GIPC2: variants seen among roughly 807,000 people sequenced by gnomAD.
The protein encoded by GIPC2 is GIPC PDZ domain containing family member 2, also known as PDZ domain-containing protein GIPC2.
Under a neutral mutation model 30.6 loss-of-function variants are expected in GIPC2, and 30 were observed. The observed-to-expected ratio is 0.98, with a 90% CI of 0.73 to 1.33. GIPC2 has a LOEUF of 1.33. Ranked by LOEUF, GIPC2 falls within the 40% of genes most tolerant of loss-of-function variation. The pLI, the probability that GIPC2 is intolerant of heterozygous loss-of-function variation, is 0.00. For synonymous variants in GIPC2, 167 were observed against 150.0 expected (o/e 1.11, Z -0.83); for missense variants, 414 against 390.3 (o/e 1.06, Z -0.51).
At chr1:78,114,086 C>T (rs1662523249) in intron 3 of GIPC2, among the ~76,000 whole-genome samples, 2 of 152,150 alleles carry the variant, frequency 1.3e-5, no homozygotes, top group African/African-American at 4.8e-5. Flanking sequence ...ACTGTGGGAG[C>T]GGTTAGGCAC....
chr1:78,102,696 G>A (rs548697597), intron 3 of GIPC2, among the ~76,000 whole-genome samples: 4 of 152,344 alleles, frequency 2.6e-5, no homozygotes, highest in African/African-American at 9.6e-5. Context: ...ACATTGAGCT[G>A]TTGTGAGGAT....
At chr1:78,080,338 C>T (rs1489407198) in intron 1 of GIPC2, among the ~76,000 whole-genome samples, 2 of 152,132 alleles carry the variant, frequency 1.3e-5, no homozygotes, top group Admixed American at 6.6e-5. Context: ...TGACCTTAGG[C>T]AAATTACTTA....
In GIPC2 at chr1:78,080,791, T is replaced by A. The variant is rs372808259; in HGVS notation, c.357T>A (p.Asn119Lys). The stretch of plus-strand genomic sequence containing the variant: ...TGAAAGGAATCGAAAAAGAAGTGAA[T>A]GTGTATAAATCTGAGGATTCACTTG... ...AHVKGIEKEV[N>K]VYKSEDSLGL... Residue 119 changes from asparagine to lysine, a missense_variant, in exon 2 of 6, where the codon AAT (asparagine) becomes AAA (lysine). Asn to Lys is a moderately conservative substitution (Grantham distance 94, BLOSUM62 0). Transcript: ENST00000370759. 6.2e-7 allele frequency: 1 copy of A among 1,610,176 alleles called. No homozygotes were observed.
chr1:78,109,706 A>G (rs1007223518), intron 3 of GIPC2, among the ~76,000 whole-genome samples: 3 of 152,212 alleles, frequency 2.0e-5, no homozygotes, highest in Non-Finnish European at 4.4e-5. Context: ...TACCTTGACT[A>G]TCCCTAGATG....
intron 2 of GIPC2, among the ~76,000 whole-genome samples, chr1:78,087,574 A>G (rs539746918): frequency 6.6e-6 from 1 of 152,330 alleles, no homozygotes; most frequent in South Asian, 2.1e-4. Flanking sequence ...TATGCAGAAG[A>G]CTGAAGCTGG....
intron 2 of GIPC2, among the ~76,000 whole-genome samples, chr1:78,089,617 G>A (rs568497): frequency 0.91 from 139,269 of 152,218 alleles, 63,872 homozygotes; most frequent in African/African-American, 0.95. Flanking sequence ...AAATGCTGGG[G>A]TTACAGGGAT....
chr1:78,130,195 C>T (rs762110599), intron 5 of GIPC2, among the ~76,000 whole-genome samples: 12 of 151,516 alleles, frequency 7.9e-5, no homozygotes, highest in East Asian at 2.0e-4. Context: ...CCCCGCCTCC[C>T]GGGTTCAAGC....
intron 2 of GIPC2, among the ~76,000 whole-genome samples, chr1:78,085,897 G>GTTTTTTTTTTTTT (rs35412467): frequency 5.8e-5 from 7 of 120,308 alleles, no homozygotes; most frequent in Admixed American, 8.8e-5. Flanking sequence ...TCTTTTGAAT[G>GTTTTTTTTTTTTT]TTTTTTTTTT....
chr1:78,121,204 T>C (rs1180619170), intron 4 of GIPC2, among the ~76,000 whole-genome samples: 1 of 152,010 alleles, frequency 6.6e-6, no homozygotes, highest in East Asian at 1.9e-4. Flanking sequence ...GGGGTGGCGA[T>C]GGTAAGGATT....
chr1:78,109,636 G>C (rs998457805), intron 3 of GIPC2, among the ~76,000 whole-genome samples: 1 of 152,076 alleles, frequency 6.6e-6, no homozygotes, highest in Admixed American at 6.6e-5. Flanking sequence ...GCTGTTACCT[G>C]GGATATAGTC....
At chr1:78,094,796 G>GT (rs139132542) in intron 2 of GIPC2, 156 bp from the exon 3 acceptor site, 439 of 533,092 alleles carry the variant, frequency 8.2e-4, no homozygotes, top group South Asian at 1.7e-3. Flanking sequence ...CTGTTACACA[G>GT]TTTTTTTTTA....
At chr1:78,124,826 T>C (rs1405105315) in intron 4 of GIPC2, among the ~76,000 whole-genome samples, 1 of 152,036 alleles carries the variant, frequency 6.6e-6, no homozygotes, top group Admixed American at 6.6e-5. Context: ...GCCAACATGG[T>C]GAAACCCCGT....
chr1:78,049,036 C>T (rs1003171749), intron 1 of GIPC2, among the ~76,000 whole-genome samples: 1 of 152,204 alleles, frequency 6.6e-6, no homozygotes, highest in African/African-American at 2.4e-5. Flanking sequence ...CATAATATTT[C>T]AGTGGTTCAC....
chr1:78,087,501 T>C (rs1661952779), intron 2 of GIPC2, among the ~76,000 whole-genome samples: 1 of 152,086 alleles, frequency 6.6e-6, no homozygotes, highest in Non-Finnish European at 1.5e-5. Flanking sequence ...TGGGGAAGAC[T>C]CCCTATTTAA....
At chr1:78,075,688 T>C (rs956516375) in intron 1 of GIPC2, among the ~76,000 whole-genome samples, 3 of 152,088 alleles carry the variant, frequency 2.0e-5, no homozygotes, top group African/African-American at 7.2e-5. Context: ...CGTGAAAAAA[T>C]ATTTTCCAGA....
At chr1:78,102,819 A>G (rs148604086) in intron 3 of GIPC2, among the ~76,000 whole-genome samples, 1 of 152,198 alleles carries the variant, frequency 6.6e-6, no homozygotes. Flanking sequence ...TTCTTTAAGG[A>G]ATAATTTTAG....
intron 2 of GIPC2, chr1:78,091,844 G>T: frequency 1.3e-6 from 1 of 778,430 alleles, no homozygotes; most frequent in Middle Eastern, 2.6e-4. Context: ...GTCTCGGAAG[G>T]AGAAAGATGT....
rs1661060523 is a variant in GIPC2, at chr1:78,046,030, G to A, written c.-65G>A. On this transcript the variant is annotated 5_prime_UTR_variant, in exon 1 of 6. Transcript: ENST00000370759. ...GCGCGGGGCCCGGGGCGCAAAGTCC[G>A]AGGCGCCGGGGGGAGGAGGCGGCGG... is the stretch of plus-strand genomic sequence containing the variant. 2.9e-6 allele frequency: 4 copies of A among 1,398,358 alleles called. No homozygotes were observed. Among genetic ancestry groups the A allele is most frequent in the Admixed American group, 3.8e-5 (1 of 26,612 alleles). 86.6% of individuals were successfully genotyped at this position (1,398,358 alleles called of 1,614,324 possible).
chr1:78,100,955 C>A lies in GIPC2; in HGVS notation c.607+5823C>A, dbSNP rs1023212154. 1.4e-3 allele frequency among the ~76,000 whole-genome samples: 201 copies of A among 140,360 alleles called. 2 individuals are homozygous for A. Among genetic ancestry groups the A allele is most frequent in the African/African-American group, 5.4e-3 (175 of 32,340 alleles). 92.1% of individuals were successfully genotyped at this position (140,360 alleles called of 152,430 possible). On this transcript the variant is annotated intron_variant, in intron 3 of 5. Coordinates refer to ENST00000370759, the MANE Select transcript of GIPC2 (RefSeq NM_017655.6). Reference sequence around the variant, plus strand: ...AAAAAAAAAAATACACACACACACACACACACACACACACACACACACACA... The same window carrying A: ...AAAAAAAAAAATACACACACACACAAACACACACACACACACACACACACA...
Sources: allele counts gnomAD v4.1 joint callset (sites outside exome capture counted in the v4.1 genomes callset), GRCh38; gene constraint gnomAD v4.1.1; transcripts MANE v1.5; gene names NCBI Gene and HGNC (gene_info 2026-07-23, HGNC 2026-07-21).